Variants in UBR2 observed in about 807,000 individuals in gnomAD.
UBR2 encodes ubiquitin protein ligase E3 component n-recognin 2.
Under a neutral mutation model 247.9 loss-of-function variants are expected in UBR2, and 92 were observed. That is an observed-to-expected ratio of 0.37 (90% confidence interval 0.31 to 0.44). The LOEUF is 0.44. UBR2 is among the 20% of genes least tolerant of loss of function. The probability of loss-of-function intolerance (pLI) is 1.00; values close to 1 mark genes in which losing one functional copy is unlikely to be tolerated. For synonymous variants in UBR2, 672 were observed against 693.5 expected, an observed-to-expected ratio of 0.97 and a Z score of 0.49; for missense variants, 1,613 against 2,112.6, an observed-to-expected ratio of 0.76 and a Z score of 4.64.
At chr6:42,662,373 AC>A in intron 31 of UBR2, 96 bp downstream of exon 31, 1 of 760,208 alleles carries the variant, frequency 1.3e-6, no homozygotes, top group Non-Finnish European at 2.1e-6. Context: ...AAGGAAAAGA[AC>A]TAAAAATGTT....
rs1797859759 is a variant in UBR2, at chr6:42,662,295, T to C, written c.3536+18T>C. ...TGGCAAAGGTAATGTATATTCTTAA[T>C]ATTTGTCAAGAGAAGTTTATCTAAG... is the stretch of plus-strand genomic sequence containing the variant. On this transcript the variant is annotated intron_variant, in intron 31 of 46. Transcript: ENST00000372901. 3 of 1,497,688 alleles carry C rather than the reference T, an allele frequency of 2.0e-6. No individual in the cohort carries two copies. Among genetic ancestry groups the C allele is most frequent in the African/African-American group, 2.8e-5 (2 of 71,204 alleles). 92.8% of individuals were successfully genotyped at this position (1,497,688 alleles called of 1,614,324 possible).
chr6:42,611,735 GTC>G lies in UBR2; in HGVS notation c.865-432_865-431del, dbSNP rs558177138. Reference sequence around the variant, plus strand: ...AGCCTGGCTAACATAGTGAAACCCTGTCTCTACTAAAAATACAACAGTTAGCC... The same window carrying G: ...AGCCTGGCTAACATAGTGAAACCCTGTCTACTAAAAATACAACAGTTAGCC... On this transcript the variant is annotated intron_variant, in intron 7 of 46. Coordinates refer to ENST00000372901, the MANE Select transcript of UBR2 (RefSeq NM_001363705.2). 7.3e-5 allele frequency among the ~76,000 whole-genome samples: 11 copies of G among 151,674 alleles called. No individual in the cohort carries two copies. The East Asian group carries it at 1.8e-3, about 24-fold the overall frequency.
Position 42,564,043 on chromosome 6 carries a change from G to C in UBR2, c.-277G>C, listed in dbSNP as rs1790627256. 2.1e-6 allele frequency: 1 copy of C among 487,660 alleles called. No homozygotes were observed. The highest frequency in any genetic ancestry group is 3.6e-6 in the Non-Finnish European group (1 of 277,488). The allele number at this position is 487,660 out of a possible 1,614,324, so 30.2% of individuals were successfully genotyped here. On this transcript the variant is annotated 5_prime_UTR_variant, in exon 1 of 47. Coordinates refer to ENST00000372901, the MANE Select transcript of UBR2 (RefSeq NM_001363705.2). ...TGCAGGACGCGGTAGTGGCCAGCGA[G>C]AGTGTCAGGCCTGGGGTTTTCTGTG...
At chr6:42,648,299 T>C in intron 22 of UBR2, 129 bp downstream of exon 22, 1 of 755,242 alleles carries the variant, frequency 1.3e-6, no homozygotes, top group African/African-American at 1.7e-5. Flanking sequence ...CATTTTCAAA[T>C]TATAGCTCTG....
intron 17 of UBR2, among the ~76,000 whole-genome samples, 163 bp from the exon 18 acceptor site, chr6:42,642,253 A>C (rs1379746096): frequency 6.6e-6 from 1 of 152,210 alleles, no homozygotes; most frequent in East Asian, 1.9e-4. Context: ...GTAATGTGAA[A>C]ATCTGTAATT....
intron 23 of UBR2, among the ~76,000 whole-genome samples, chr6:42,650,781 TA>T (rs560868622): frequency 1.3e-5 from 2 of 152,210 alleles, no homozygotes; most frequent in Non-Finnish European, 2.9e-5. Flanking sequence ...ACGATCTATA[TA>T]ATACATACCT....
chr6:42,617,824 T>C (rs1794659260), intron 11 of UBR2, among the ~76,000 whole-genome samples: 1 of 152,220 alleles, frequency 6.6e-6, no homozygotes, highest in South Asian at 2.1e-4. Flanking sequence ...ATTTCACAAA[T>C]TATCCTTCAC....
intron 11 of UBR2, chr6:42,619,451 A>ATTTTTTTTTTTTTTTT (rs1310062071): frequency 8.7e-5 from 2 of 23,016 alleles, no homozygotes; most frequent in Admixed American, 7.4e-4. Context: ...ATATATATAT[A>ATTTTTTTTTTTTTTTT]TATTTTTTTT....
At chr6:42,643,184 C>T (rs1225687363) in intron 18 of UBR2, among the ~76,000 whole-genome samples, 1 of 152,178 alleles carries the variant, frequency 6.6e-6, no homozygotes, top group East Asian at 1.9e-4. Context: ...ACCCTACCCC[C>T]ACCCCACCAA....
At chr6:42,589,817 T>C (rs1162904351) in intron 2 of UBR2, among the ~76,000 whole-genome samples, 1 of 152,242 alleles carries the variant, frequency 6.6e-6, no homozygotes, top group East Asian at 1.9e-4. Context: ...TTCTGAACCC[T>C]GTTGTTTTGT....
chr6:42,639,808 A>G (rs1280112552), intron 15 of UBR2, among the ~76,000 whole-genome samples: 1 of 152,222 alleles, frequency 6.6e-6, no homozygotes, highest in African/African-American at 2.4e-5. Context: ...GTATTAGTAC[A>G]TACAACTAAG....
At position 42,659,573 on chromosome 6, in the gene UBR2, C is replaced by T; in HGVS notation, c.3243-83C>T. On this transcript the variant is annotated intron_variant, in intron 29 of 46. Transcript: ENST00000372901. The surrounding 1 kb of genome is among the most constrained non-coding windows in gnomAD (Gnocchi z 4.3). ...CACACACACACACACTACACACACA[C>T]ACACATACCTGTAGTCTGCTATTTT... 9.1e-7 allele frequency: 1 copy of T among 1,098,542 alleles called. No homozygotes were observed. Among genetic ancestry groups the T allele is most frequent in the African/African-American group, 1.6e-5 (1 of 63,592 alleles). 68.0% of individuals were successfully genotyped at this position (1,098,542 alleles called of 1,614,324 possible).
rs145408774 is a variant in UBR2, at chr6:42,615,079, C to T, written c.994C>T (p.Arg332Cys). 14 of 1,612,628 alleles carry T rather than the reference C, an allele frequency of 8.7e-6. 1 individual carries two copies. The highest frequency in any genetic ancestry group is 4.4e-5 in the South Asian group (4 of 90,790). Residue 332 changes from arginine to cysteine, a missense_variant, in exon 9 of 47, where the codon CGC (arginine) becomes TGC (cysteine). Around this residue, in one of 3 missense-constraint regions of UBR2, gnomAD observed 1,524 missense variants for 1,967.3 expected, o/e 0.77. Coordinates refer to ENST00000372901, the MANE Select transcript of UBR2 (RefSeq NM_001363705.2). ...GSIIGYSDGL[R>C]RILCQVGLQE... Reference sequence around the variant, plus strand: ...TTTCCTTCTATTTAAAGATGGCCTTCGCCGGATTTTATGTCAAGTTGGTTT... The same window carrying T: ...TTTCCTTCTATTTAAAGATGGCCTTTGCCGGATTTTATGTCAAGTTGGTTT...
intron 3 of UBR2, among the ~76,000 whole-genome samples, chr6:42,593,067 G>A (rs62414611): frequency 0.068 from 10,378 of 152,074 alleles, 487 homozygotes; most frequent in South Asian, 0.12. Flanking sequence ...CCAGCTGCTC[G>A]GGAGGCTGAG....
intron 1 of UBR2, among the ~76,000 whole-genome samples, chr6:42,565,162 T>C (rs1419846457): frequency 1.3e-5 from 2 of 152,240 alleles, no homozygotes; most frequent in South Asian, 2.1e-4. Context: ...GGAGCAGTTA[T>C]ATTCCAAACG....
intron 11 of UBR2, chr6:42,620,061 T>C: frequency 1.1e-6 from 1 of 920,928 alleles, no homozygotes; most frequent in Non-Finnish European, 1.3e-6. Flanking sequence ...TCTGGATATG[T>C]ATGTATTCAG....
At chr6:42,675,890 G>A (rs1377524790) in intron 38 of UBR2, among the ~76,000 whole-genome samples, 166 bp from the exon 39 acceptor site, 1 of 152,136 alleles carries the variant, frequency 6.6e-6, no homozygotes, top group Non-Finnish European at 1.5e-5. Context: ...CCAGGAGGTG[G>A]ATGTTGCAGT....
chr6:42,632,069 A>AAAAAAAATATATATAT (rs56721828), intron 11 of UBR2, among the ~76,000 whole-genome samples: 1 of 114,088 alleles, frequency 8.8e-6, no homozygotes, highest in African/African-American at 3.4e-5. Context: ...AAAAAAAAAA[A>AAAAAAAATATATATAT]ATATATATAT....
chr6:42,647,228 GT>G (rs1193865531), intron 21 of UBR2, among the ~76,000 whole-genome samples: 1 of 152,026 alleles, frequency 6.6e-6, no homozygotes, highest in Non-Finnish European at 1.5e-5. Context: ...TTAGGAAGCA[GT>G]TATAATTTAG....
Sources: allele counts gnomAD v4.1 joint callset (sites outside exome capture counted in the v4.1 genomes callset), GRCh38; gene constraint gnomAD v4.1.1; regional missense constraint gnomAD v4.1.1; non-coding constraint Gnocchi (gnomAD v3.1); transcripts MANE v1.5; gene names NCBI Gene and HGNC (gene_info 2026-07-23, HGNC 2026-07-21).